The following PCDHGB1 variants were observed in gnomAD, a reference collection of about 807,000 sequenced individuals.
PCDHGB1 encodes protocadherin gamma subfamily B, 1, also known as protocadherin gamma-B1.
PCDHGB1 carries 34 observed loss-of-function variants against 56.6 expected under a neutral mutation model. The ratio of observed to expected loss-of-function variants is 0.60; its 90% CI spans 0.46 to 0.80. PCDHGB1 has a LOEUF of 0.80. Ranked by LOEUF, PCDHGB1 falls within the 30% of genes least tolerant of loss-of-function variation. PCDHGB1 has a pLI of 0.00. For missense variants in PCDHGB1, 1,278 were observed against 1,204.6 expected (o/e 1.06, Z -0.90); for synonymous variants, 561 against 505.9 (o/e 1.11, Z -1.46).
At chr5:141,410,147 G>T in intron 1 of PCDHGB1, 1 of 1,612,952 alleles carries the variant, frequency 6.2e-7, no homozygotes, top group Non-Finnish European at 8.5e-7. Flanking sequence ...TGTGCGTGAC[G>T]GTGGACAGCC....
At position 141,360,574 on chromosome 5, in the gene PCDHGB1, A is replaced by G. The variant is rs1761656122; in HGVS notation, c.2409+7905A>G. 3 of 1,613,862 alleles carry G rather than the reference A, an allele frequency of 1.9e-6. No homozygotes were observed. In the African/African-American group the frequency reaches 4.0e-5, roughly 22 times the overall value. ...TAATTTAAAAATTGGCGAATCCACT[A>G]AGCCAGGTACAACATTTCCACTTGA... On this transcript the variant is annotated intron_variant, in intron 1 of 3. Transcript: ENST00000523390.
chr5:141,494,194 G>A (rs1446357035), intron 1 of PCDHGB1, among the ~76,000 whole-genome samples: 2 of 152,182 alleles, frequency 1.3e-5, no homozygotes, highest in Non-Finnish European at 2.9e-5. Flanking sequence ...GGACTTGGAT[G>A]CCCCGCAAAG....
chr5:141,400,453 C>G, intron 1 of PCDHGB1: 2 of 1,614,056 alleles, frequency 1.2e-6, no homozygotes, highest in South Asian at 2.2e-5. Flanking sequence ...ACAAGACATA[C>G]TTTGTGGTGA....
chr5:141,494,021 G>C (rs1036188621), intron 1 of PCDHGB1, among the ~76,000 whole-genome samples: 2 of 152,158 alleles, frequency 1.3e-5, no homozygotes, highest in African/African-American at 2.4e-5. Context: ...CCCCTTGGGA[G>C]CCCTGGAGAC....
Position 141,351,808 on chromosome 5 carries a change from C to A in PCDHGB1, c.1548C>A (p.Phe516Leu). The change falls in exon 1 of 4, where the codon TTC (phenylalanine) becomes TTA (leucine). Residue 516 changes from phenylalanine (F) to leucine (L), a missense_variant. Transcript: ENST00000523390. Reference protein sequence around the residue: ...QSGVVFAQRAFDHEQLRAFEL... With the variant: ...QSGVVFAQRALDHEQLRAFEL... ...GGGTGGTGTTCGCGCAGCGCGCCTT[C>A]GACCACGAGCAGCTGCGCGCCTTCG... is the stretch of plus-strand genomic sequence containing the variant. 1 of 1,613,306 alleles carries A rather than the reference C, an allele frequency of 6.2e-7. No homozygotes were observed. The highest frequency in any genetic ancestry group is 8.5e-7 in the Non-Finnish European group (1 of 1,179,888).
intron 1 of PCDHGB1, chr5:141,419,861 T>G (rs749551833): frequency 6.2e-7 from 1 of 1,614,098 alleles, no homozygotes; most frequent in Non-Finnish European, 8.5e-7. Context: ...CGCAGATAGC[T>G]TGCAAGAGGT....
At chr5:141,354,965 A>G (rs1437220880) in intron 1 of PCDHGB1, 10 of 506,296 alleles carry the variant, frequency 2.0e-5, no homozygotes. Context: ...ACAGGTTAAG[A>G]CTCTGGGTGT....
At chr5:141,382,749 G>T in intron 1 of PCDHGB1, 1 of 612,210 alleles carries the variant, frequency 1.6e-6, no homozygotes, top group Non-Finnish European at 2.8e-6. Context: ...GACAGATTGC[G>T]ATAAGCCCTC....
intron 1 of PCDHGB1, among the ~76,000 whole-genome samples, chr5:141,488,493 C>T (rs1594759823): frequency 6.6e-6 from 1 of 152,226 alleles, no homozygotes; most frequent in East Asian, 1.9e-4. Context: ...AAAACTGTAA[C>T]ACTCATTCCA....
chr5:141,375,745 C>G (rs753247365), intron 1 of PCDHGB1: 4 of 1,614,238 alleles, frequency 2.5e-6, no homozygotes, highest in Non-Finnish European at 3.4e-6. Context: ...TTGTGCTGGA[C>G]CAGAATGACA....
At chr5:141,376,753 C>A in intron 1 of PCDHGB1, 1 of 450,078 alleles carries the variant, frequency 2.2e-6, no homozygotes, top group South Asian at 2.7e-5. Flanking sequence ...GTGGCGCAAT[C>A]TCGGCTCACT....
intron 1 of PCDHGB1, among the ~76,000 whole-genome samples, chr5:141,466,063 A>G (rs554503713): frequency 3.3e-5 from 5 of 152,268 alleles, no homozygotes; most frequent in Admixed American, 6.5e-5. Context: ...CGGAGCTTGC[A>G]GTGAGCTGAT....
In PCDHGB1 at chr5:141,405,081, C is replaced by T. The variant is rs749102403; in HGVS notation, c.2409+52412C>T. 1.0e-4 allele frequency: 163 copies of T among 1,613,766 alleles called. No homozygotes were observed. The highest frequency in any genetic ancestry group is 1.2e-4 in the Non-Finnish European group (138 of 1,179,768). ...TGTGTCTTCCTCACCTTCGTTATCA[C>T]GCTGCTGGCCCTCAGGCTGAGGCAC... On this transcript the variant is annotated intron_variant, in intron 1 of 3. Transcript: ENST00000523390.
chr5:141,449,497 G>A (rs903338878), intron 1 of PCDHGB1, among the ~76,000 whole-genome samples: 4 of 149,856 alleles, frequency 2.7e-5, no homozygotes, highest in African/African-American at 9.9e-5. Flanking sequence ...GGTGAGGCAT[G>A]AGAAATGCTT....
chr5:141,403,688 A>T (rs1385402830), intron 1 of PCDHGB1: 1 of 1,613,836 alleles, frequency 6.2e-7, no homozygotes, highest in Non-Finnish European at 8.5e-7. Flanking sequence ...TGCTCAACGG[A>T]TTTACCGAGT....
chr5:141,409,883 C>CGGGTGCTGTACCCAGCTCT, intron 1 of PCDHGB1: 1 of 1,612,988 alleles, frequency 6.2e-7, no homozygotes, highest in Non-Finnish European at 8.5e-7. Context: ...CAACGCACCG[C>CGGGTGCTGTACCCAGCTCT]GGGTGCTGTA....
chr5:141,384,575 C>A (rs754018989), intron 1 of PCDHGB1: 3 of 1,614,258 alleles, frequency 1.9e-6, no homozygotes, highest in Non-Finnish European at 2.5e-6. Context: ...AATGACAACC[C>A]GCCCGAGATC....
chr5:141,433,098 T>G, intron 1 of PCDHGB1: 1 of 1,614,204 alleles, frequency 6.2e-7, no homozygotes, highest in Non-Finnish European at 8.5e-7. Context: ...GACATGCTCG[T>G]CAGCCAGGAG....
chr5:141,357,165 G>A (rs368780365), intron 1 of PCDHGB1: 66 of 1,613,556 alleles, frequency 4.1e-5, no homozygotes, highest in East Asian at 3.3e-4. Flanking sequence ...CCCCTCTCTC[G>A]GCCACCGTCA....
Sources: allele counts gnomAD v4.1 joint callset (sites outside exome capture counted in the v4.1 genomes callset), GRCh38; gene constraint gnomAD v4.1.1; transcripts MANE v1.5; gene names NCBI Gene and HGNC (gene_info 2026-07-23, HGNC 2026-07-21).